SGIP1: variants seen among roughly 807,000 people sequenced by gnomAD.
SGIP1 encodes SH3-containing GRB2-like protein 3-interacting protein 1.
A neutral mutation model predicts 107.5 loss-of-function variants in SGIP1; 38 were observed. The observed-to-expected ratio is 0.35, with a 90% confidence interval of 0.27 to 0.46. The LOEUF (loss-of-function observed/expected upper bound fraction) is 0.46. Among genes scored for constraint, SGIP1 ranks in the 20% least tolerant of loss-of-function variants. The probability of loss-of-function intolerance (pLI) is 1.00; values close to 1 mark genes in which losing one functional copy is unlikely to be tolerated. For missense variants in SGIP1, 929 were observed against 1,019.5 expected, an observed-to-expected ratio of 0.91 and a Z score of 1.21; for synonymous variants, 365 against 366.1, an observed-to-expected ratio of 1.00 and a Z score of 0.03.
intron 15 of SGIP1, chr1:66,684,129 A>C (rs2087599302): frequency 6.4e-7 from 1 of 1,550,442 alleles, no homozygotes; most frequent in African/African-American, 1.4e-5. Flanking sequence ...AGGCTCAGAG[A>C]TATCAAGTAA....
At chr1:66,651,197 A>G (rs2078684297) in intron 7 of SGIP1, among the ~76,000 whole-genome samples, 1 of 152,180 alleles carries the variant, frequency 6.6e-6, no homozygotes, top group South Asian at 2.1e-4. Flanking sequence ...CTCATTGATG[A>G]CTTTGAGAAC....
chr1:66,647,000 C>A (rs762521974), intron 7 of SGIP1, among the ~76,000 whole-genome samples: 1 of 152,158 alleles, frequency 6.6e-6, no homozygotes, highest in African/African-American at 2.4e-5. Context: ...ATGAACATCA[C>A]CCAGGTTTGC....
At chr1:66,623,156 T>G (rs1436402796) in intron 1 of SGIP1, among the ~76,000 whole-genome samples, 1 of 152,210 alleles carries the variant, frequency 6.6e-6, no homozygotes, top group Non-Finnish European at 1.5e-5. Context: ...ATGAATAACT[T>G]ACTTTCATAA....
rs1327243112 is a variant in SGIP1 at position 66,636,017 on chromosome 1, T to C, written c.171+2T>C. 7 of 1,613,226 alleles carry C rather than the reference T, an allele frequency of 4.3e-6. No homozygotes were observed. The highest frequency in any genetic ancestry group is 5.9e-6 in the Non-Finnish European group (7 of 1,179,606). On this transcript the variant is annotated splice_donor_variant, in intron 4 of 24. Transcript: ENST00000371037. LOFTEE classifies it high-confidence loss of function. ...CGTGAAGGAGGAAAAAAAGTTTCGG[T>C]AAGGAAACAGATTTTAGTTTAAAAT...
At chr1:66,733,927 T>C (rs377612933) in intron 21 of SGIP1, 47 bp downstream of exon 21, 12 of 1,572,586 alleles carry the variant, frequency 7.6e-6, no homozygotes, top group African/African-American at 5.4e-5. Context: ...GACATATTTG[T>C]TTTCTAAAGT....
At chr1:66,569,935 T>C (rs147966810) in intron 1 of SGIP1, among the ~76,000 whole-genome samples, 13 of 152,004 alleles carry the variant, frequency 8.6e-5, no homozygotes, top group African/African-American at 2.9e-4. Flanking sequence ...CTGTTTCTTC[T>C]TATGTGAGGT....
intron 15 of SGIP1, among the ~76,000 whole-genome samples, chr1:66,682,745 C>G (rs553593078): frequency 6.6e-6 from 1 of 151,470 alleles, no homozygotes; most frequent in African/African-American, 2.4e-5. Context: ...CGGATGCCCC[C>G]ACAAGGACAC....
At position 66,682,063 on chromosome 1, in the gene SGIP1, C is replaced by A. The variant is rs781666530; in HGVS notation, c.1009C>A (p.Pro337Thr). Residue 337 changes from proline (P) to threonine (T), a missense_variant, in exon 15 of 25, where the codon CCA (proline) becomes ACA (threonine). Physicochemically the swap from Pro to Thr is conservative, Grantham distance 38 (BLOSUM62 -1). Transcript: ENST00000371037. The stretch of plus-strand genomic sequence containing the variant: ...TCCAAGGGAAAAAGTGGTGTCCCCA[C>A]CAGCTACACCAGACAACCCAGCTGA... ...LTPREKVVSP[P>T]ATPDNPADSP... 2 of 1,614,220 alleles carry A rather than the reference C, an allele frequency of 1.2e-6. No homozygotes were observed. Among genetic ancestry groups the A allele is most frequent in the East Asian group, 2.2e-5 (1 of 44,872 alleles).
rs1223996726 is a variant in SGIP1 at position 66,679,764 on chromosome 1, T to C, written c.814+12T>C. On this transcript the variant is annotated intron_variant, in intron 14 of 24. Transcript: ENST00000371037. ...AACAATTGGACCAGGTACGCTTTTG[T>C]TTTTTCAGTTCTGGGATGATGTGTC... The C allele has an allele frequency of 2.5e-6, 4 of 1,587,788 alleles. No homozygotes were observed. The highest frequency in any genetic ancestry group is 1.7e-6 in the Non-Finnish European group (2 of 1,172,776).
At chr1:66,726,796 T>C (rs2093778919) in intron 19 of SGIP1, among the ~76,000 whole-genome samples, 1 of 152,180 alleles carries the variant, frequency 6.6e-6, no homozygotes, top group Admixed American at 6.5e-5. Context: ...AAGATTTTTT[T>C]TTAAACTTCT....
intron 1 of SGIP1, among the ~76,000 whole-genome samples, chr1:66,586,057 T>G (rs2062567676): frequency 6.6e-6 from 1 of 152,206 alleles, no homozygotes; most frequent in African/African-American, 2.4e-5. Context: ...TGCCTAAACA[T>G]TAAGAATTGC....
At chr1:66,643,411 T>G in intron 6 of SGIP1, 133 bp from the exon 7 acceptor site, 1 of 644,468 alleles carries the variant, frequency 1.6e-6, no homozygotes, top group East Asian at 3.0e-5. Context: ...CTTCCTCCTT[T>G]ACTTTTGTAT....
At chr1:66,565,682 C>T (rs1024160168) in intron 1 of SGIP1, among the ~76,000 whole-genome samples, 6 of 151,838 alleles carry the variant, frequency 4.0e-5, no homozygotes, top group African/African-American at 9.7e-5. Context: ...AAGCTGGTCA[C>T]GGTGGAATCC....
intron 12 of SGIP1, among the ~76,000 whole-genome samples, chr1:66,675,618 C>A (rs1326026968): frequency 1.4e-5 from 2 of 140,114 alleles, no homozygotes; most frequent in African/African-American, 5.5e-5. Context: ...TAGCTCACTG[C>A]AGCCTCGACC....
chr1:66,695,143 G>A, intron 17 of SGIP1: 2 of 492,238 alleles, frequency 4.1e-6, no homozygotes, highest in South Asian at 5.6e-5. Context: ...CCCCTGCATG[G>A]CCAGGAAGAC....
chr1:66,673,168 G>GCATGT, intron 11 of SGIP1, 113 bp from the exon 12 acceptor site: 1 of 1,026,168 alleles, frequency 9.7e-7, no homozygotes, highest in Non-Finnish European at 1.5e-6. Context: ...TGCATGCACT[G>GCATGT]GTGCACACAC....
intron 18 of SGIP1, among the ~76,000 whole-genome samples, chr1:66,701,459 A>C (rs1002537672): frequency 6.6e-6 from 1 of 152,164 alleles, no homozygotes; most frequent in Non-Finnish European, 1.5e-5. Context: ...AAATATTAAA[A>C]CCACGCTCCT....
intron 18 of SGIP1, among the ~76,000 whole-genome samples, chr1:66,700,687 G>C (rs1025629833): frequency 6.6e-6 from 1 of 151,932 alleles, no homozygotes; most frequent in African/African-American, 2.4e-5. Context: ...TTTTTGGGTT[G>C]TGAACATTCA....
chr1:66,552,756 A>G (rs780398595), intron 1 of SGIP1, among the ~76,000 whole-genome samples: 1 of 152,174 alleles, frequency 6.6e-6, no homozygotes, highest in Non-Finnish European at 1.5e-5. Context: ...TGGTTGCCAC[A>G]TAATAATTGC....
Sources: allele counts gnomAD v4.1 joint callset (sites outside exome capture counted in the v4.1 genomes callset), GRCh38; gene constraint gnomAD v4.1.1; transcripts MANE v1.5; gene names NCBI Gene and HGNC (gene_info 2026-07-23, HGNC 2026-07-21).